The following CCSER1 variants were observed in gnomAD, a reference collection of about 807,000 sequenced individuals.
The protein encoded by CCSER1 is serine-rich coiled-coil domain-containing protein 1.
In CCSER1, 41 loss-of-function variants were observed where a neutral mutation model predicts 82.0. The ratio of observed to expected loss-of-function variants is 0.50; its 90% CI spans 0.39 to 0.65. CCSER1 has a LOEUF of 0.65. Among genes scored for constraint, CCSER1 ranks in the 30% least tolerant of loss-of-function variants. The pLI is 0.00. For missense variants in CCSER1, 1,119 were observed against 1,064.2 expected (o/e 1.05, Z -0.72); for synonymous variants, 414 against 383.9 (o/e 1.08, Z -0.92).
chr4:90,513,546 T>C (rs1490293282), intron 5 of CCSER1, among the ~76,000 whole-genome samples: 2 of 152,180 alleles, frequency 1.3e-5, no homozygotes, highest in Non-Finnish European at 2.9e-5. Flanking sequence ...ATGCAGAATA[T>C]GTTAGGGCAG....
At chr4:90,650,170 T>C (rs1579713487) in intron 6 of CCSER1, among the ~76,000 whole-genome samples, 1 of 151,880 alleles carries the variant, frequency 6.6e-6, no homozygotes, top group Non-Finnish European at 1.5e-5. Context: ...TGAGCCGAGG[T>C]TGCACCACTG....
intron 10 of CCSER1, among the ~76,000 whole-genome samples, chr4:91,142,694 A>G (rs906143867): frequency 6.6e-6 from 1 of 152,292 alleles, no homozygotes; most frequent in South Asian, 2.1e-4. Context: ...TTTCTTCTGC[A>G]TGTAGTTAGC....
intron 3 of CCSER1, among the ~76,000 whole-genome samples, chr4:90,355,865 G>T (rs1216857719): frequency 6.6e-6 from 1 of 151,920 alleles, no homozygotes; most frequent in Non-Finnish European, 1.5e-5. Flanking sequence ...CTGCCAAAGG[G>T]ATATTGTAAA....
chr4:90,428,089 G>A (rs1296247947), intron 4 of CCSER1, among the ~76,000 whole-genome samples: 1 of 151,718 alleles, frequency 6.6e-6, no homozygotes, highest in African/African-American at 2.4e-5. Context: ...TCTATTTTCA[G>A]TAGTCCTCAG....
intron 4 of CCSER1, among the ~76,000 whole-genome samples, chr4:90,406,431 C>T (rs1468336814): frequency 6.6e-6 from 1 of 152,166 alleles, no homozygotes; most frequent in Non-Finnish European, 1.5e-5. Flanking sequence ...CAATACTTCA[C>T]TGACAGCACT....
At chr4:90,391,483 T>TATATATATACATAC (rs1554021253) in intron 3 of CCSER1, among the ~76,000 whole-genome samples, 1 of 84,970 alleles carries the variant, frequency 1.2e-5, no homozygotes, top group Non-Finnish European at 2.0e-5. Flanking sequence ...TATATATATA[T>TATATATATACATAC]ATACACACAC....
chr4:90,297,937 A>G (rs988523305), intron 1 of CCSER1, among the ~76,000 whole-genome samples: 3 of 152,052 alleles, frequency 2.0e-5, no homozygotes, highest in African/African-American at 7.2e-5. Context: ...TTCATCAAGG[A>G]TATTGGTCTA....
intron 10 of CCSER1, among the ~76,000 whole-genome samples, chr4:91,192,866 T>A (rs564591895): frequency 6.6e-6 from 1 of 152,276 alleles, no homozygotes; most frequent in East Asian, 1.9e-4. Context: ...TTGGTAAAAT[T>A]TATATCCTAA....
At chr4:91,149,032 A>G (rs1271848171) in intron 10 of CCSER1, among the ~76,000 whole-genome samples, 2 of 151,566 alleles carry the variant, frequency 1.3e-5, no homozygotes, top group African/African-American at 4.9e-5. Context: ...ATATTTCTAG[A>G]TCTAGATCCT....
intron 9 of CCSER1, among the ~76,000 whole-genome samples, chr4:91,029,386 T>C (rs1424512729): frequency 6.6e-6 from 1 of 151,924 alleles, no homozygotes; most frequent in African/African-American, 2.4e-5. Context: ...AGTAAGCACA[T>C]GTTAAATGCT....
Position 90,309,327 on chromosome 4 carries a change from T to C in CCSER1, c.1043T>C (p.Val348Ala). The C allele has an allele frequency of 6.2e-7, 1 of 1,613,872 alleles. No homozygotes were observed. The highest frequency in any genetic ancestry group is 8.5e-7 in the Non-Finnish European group (1 of 1,179,822). The change falls in exon 2 of 11, where the codon GTG (valine) becomes GCG (alanine). Residue 348 changes from valine (V) to alanine (A), a missense_variant. By Grantham distance (64) the Val-to-Ala change is moderately conservative. Coordinates refer to ENST00000509176, the MANE Select transcript of CCSER1 (RefSeq NM_001145065.2). ...PETSAANQKE[V>A]LLQIAELPAT... ...ACCTCTGCTGCTAATCAGAAGGAAGTGTTATTACAAATTGCTGAACTACCT... is the reference window on the plus strand; with the variant it reads ...ACCTCTGCTGCTAATCAGAAGGAAGCGTTATTACAAATTGCTGAACTACCT...
At chr4:91,054,717 G>A (rs555041420) in intron 9 of CCSER1, among the ~76,000 whole-genome samples, 24 of 151,894 alleles carry the variant, frequency 1.6e-4, no homozygotes, top group South Asian at 8.3e-4. Flanking sequence ...TTTTTGGGGC[G>A]GTGGGGTTGG....
At chr4:90,555,991 T>C (rs1778082485) in intron 5 of CCSER1, among the ~76,000 whole-genome samples, 1 of 152,158 alleles carries the variant, frequency 6.6e-6, no homozygotes, top group South Asian at 2.1e-4. Flanking sequence ...GTTCAAGTTG[T>C]TATTAAATGC....
intron 10 of CCSER1, among the ~76,000 whole-genome samples, chr4:91,370,869 C>T (rs1365920731): frequency 1.3e-5 from 2 of 151,862 alleles, no homozygotes; most frequent in Admixed American, 6.6e-5. Context: ...TCAAATTATA[C>T]TCTTTTAGTT....
At chr4:90,403,518 AAAG>A (rs1307043949) in intron 4 of CCSER1, among the ~76,000 whole-genome samples, 6 of 149,798 alleles carry the variant, frequency 4.0e-5, no homozygotes, top group African/African-American at 1.2e-4. Flanking sequence ...AAAAAAAAAA[AAAG>A]AAAAAAGACC....
At chr4:91,244,337 A>G (rs796385559) in intron 10 of CCSER1, among the ~76,000 whole-genome samples, 3 of 152,274 alleles carry the variant, frequency 2.0e-5, no homozygotes, top group South Asian at 2.1e-4. Context: ...GCCTGGGGGA[A>G]CTTACTACCT....
At chr4:90,219,614 A>T (rs1408026104) in intron 1 of CCSER1, among the ~76,000 whole-genome samples, 2 of 152,168 alleles carry the variant, frequency 1.3e-5, no homozygotes, top group Non-Finnish European at 2.9e-5. Context: ...TTTCAATAAA[A>T]ATCATGCCTT....
intron 5 of CCSER1, among the ~76,000 whole-genome samples, chr4:90,534,636 G>T (rs1775079376): frequency 6.6e-6 from 1 of 152,090 alleles, no homozygotes; most frequent in Non-Finnish European, 1.5e-5. Flanking sequence ...AAATAGGTGA[G>T]ATCATTGCTA....
intron 10 of CCSER1, among the ~76,000 whole-genome samples, chr4:91,298,986 A>T (rs1414589504): frequency 6.6e-6 from 1 of 151,942 alleles, no homozygotes; most frequent in Non-Finnish European, 1.5e-5. Context: ...GAGAAAGGCA[A>T]ATACTTTGGA....
Sources: gnomAD v4.1 joint callset for allele counts (sites outside exome capture counted in the v4.1 genomes callset) on GRCh38, gnomAD v4.1.1 for gene constraint, MANE v1.5 for transcripts, NCBI Gene and HGNC (gene_info 2026-07-23, HGNC 2026-07-21) for gene names.